The following LYST variants were observed in gnomAD, a reference collection of about 807,000 sequenced individuals.
The protein encoded by LYST is lysosomal trafficking regulator, also known as lysosomal-trafficking regulator.
Under a neutral mutation model 413.6 loss-of-function variants are expected in LYST, and 192 were observed. The ratio of observed to expected loss-of-function variants is 0.46; its 90% confidence interval spans 0.41 to 0.52. The LOEUF is 0.52. LYST is among the 20% of genes least tolerant of loss of function. LYST has a pLI of 0.00. For synonymous variants in LYST, 1,525 were observed against 1,567.3 expected (o/e 0.97, Z 0.64); for missense variants, 3,815 against 4,499.9 (o/e 0.85, Z 4.35).
intron 31 of LYST, chr1:235,737,553 G>C (rs1057441472): frequency 6.6e-6 from 1 of 152,178 alleles, no homozygotes; most frequent in Non-Finnish European, 1.5e-5. Context: ...GTTTGGGGAA[G>C]GAATTGCATA....
intron 1 of LYST, among the ~76,000 whole-genome samples, chr1:235,841,250 A>G (rs1677168807): frequency 6.6e-6 from 1 of 152,250 alleles, no homozygotes; most frequent in Non-Finnish European, 1.5e-5. Context: ...TCTCCTGAGA[A>G]GGCAGGATTA....
intron 44 of LYST, 108 bp downstream of exon 44, chr1:235,708,983 A>G: frequency 1.0e-6 from 1 of 963,318 alleles, no homozygotes; most frequent in Non-Finnish European, 1.7e-6. Flanking sequence ...GCTACTACCA[A>G]TTCTCTTTGA....
chr1:235,771,807 A>G (rs1429790970), intron 19 of LYST, among the ~76,000 whole-genome samples: 3 of 151,982 alleles, frequency 2.0e-5, no homozygotes, highest in Admixed American at 6.6e-5. Context: ...ATGTAACAAC[A>G]ATTTTGTAAT....
intron 41 of LYST, among the ~76,000 whole-genome samples, chr1:235,715,780 A>G (rs140369743): frequency 7.7e-4 from 117 of 152,294 alleles, no homozygotes; most frequent in African/African-American, 2.7e-3. Context: ...CTCTAGAAGT[A>G]GAAATGCAAT....
rs1297201843 is a variant in LYST at position 235,788,713 on chromosome 1, G to A, written c.4676C>T (p.Thr1559Ile). 3.1e-6 allele frequency: 5 copies of A among 1,613,708 alleles called. No individual in the cohort carries two copies. The highest frequency in any genetic ancestry group is 3.4e-6 in the Non-Finnish European group (4 of 1,179,762). ...GGATAATCAATACCGAAAGATAAGA[G>A]TGGCATTGTGGGGATCAGCCCACAC... is the stretch of plus-strand genomic sequence containing the variant. ...IQVWADPHNA[T>I]LIFRVCMDSN... The change falls in exon 13 of 53, where the codon ACT (threonine) becomes ATT (isoleucine). Residue 1559 changes from threonine (T) to isoleucine (I), a missense_variant. Physicochemically the swap from Thr to Ile is moderately conservative, Grantham distance 89. Transcript: ENST00000389793.
rs546915172 is a variant in LYST at position 235,800,434 on chromosome 1, C to A, written c.3940-48G>T. On this transcript the variant is annotated intron_variant, in intron 9 of 52. Coordinates refer to ENST00000389793, the MANE Select transcript of LYST (RefSeq NM_000081.4). ...AATTAAATTACTTACCTCACAGAAG[C>A]ATGAAACAACTGCAATGTCATAATA... 249 of 987,364 alleles carry A rather than the reference C, an allele frequency of 2.5e-4. 6 individuals carry two copies. The South Asian group carries it at 3.1e-3, about 12-fold the overall frequency. 61.2% of individuals were successfully genotyped at this position (987,364 alleles called of 1,614,324 possible). A position where few individuals can be genotyped will look rare whatever the true frequency, so the allele number is the denominator to read the frequency against.
At chr1:235,694,402 T>C (rs1660927170) in intron 46 of LYST, among the ~76,000 whole-genome samples, 1 of 152,142 alleles carries the variant, frequency 6.6e-6, no homozygotes. Flanking sequence ...ATTAATTATC[T>C]ATGCTTTGTT....
At chr1:235,713,623 G>T (rs1288823947) in intron 42 of LYST, among the ~76,000 whole-genome samples, 1 of 152,178 alleles carries the variant, frequency 6.6e-6, no homozygotes, top group South Asian at 2.1e-4. Flanking sequence ...GGTGTGGGTG[G>T]TGGTGGTACC....
chr1:235,856,908 A>AG (rs762497229), intron 1 of LYST, among the ~76,000 whole-genome samples: 1 of 151,896 alleles, frequency 6.6e-6, no homozygotes, highest in Non-Finnish European at 1.5e-5. Context: ...GATGGATATA[A>AG]GCAGCTCTTA....
intron 50 of LYST, among the ~76,000 whole-genome samples, chr1:235,672,181 A>T (rs1399478062): frequency 6.6e-6 from 1 of 152,186 alleles, no homozygotes; most frequent in Non-Finnish European, 1.5e-5. Context: ...TGGCTGTGTT[A>T]AGTTGAAAAT....
intron 21 of LYST, among the ~76,000 whole-genome samples, chr1:235,765,154 T>C (rs2103388742): frequency 6.6e-6 from 1 of 152,290 alleles, no homozygotes; most frequent in South Asian, 2.1e-4. Context: ...CCCAATTGCC[T>C]ACTAGAAAAT....
chr1:235,836,385 AAAAGTAAAAC>A (rs1368791553), intron 1 of LYST, among the ~76,000 whole-genome samples: 1 of 152,244 alleles, frequency 6.6e-6, no homozygotes, highest in Non-Finnish European at 1.5e-5. Flanking sequence ...AATTCGATGA[AAAAGTAAAAC>A]AAAGTAAGGG....
intron 34 of LYST, among the ~76,000 whole-genome samples, chr1:235,732,993 A>T (rs1025094808): frequency 1.8e-4 from 27 of 152,192 alleles, no homozygotes; most frequent in African/African-American, 6.5e-4. Flanking sequence ...TCCTTCAAAG[A>T]GTTGACAAAT....
At chr1:235,872,318 A>T (rs983646444) in intron 1 of LYST, among the ~76,000 whole-genome samples, 2 of 124,806 alleles carry the variant, frequency 1.6e-5, no homozygotes, top group African/African-American at 6.2e-5. Flanking sequence ...AAAAAAAAAA[A>T]AGTTTTATGT....
chr1:235,863,313 A>T (rs992400294), intron 1 of LYST, among the ~76,000 whole-genome samples: 1 of 152,040 alleles, frequency 6.6e-6, no homozygotes, highest in Non-Finnish European at 1.5e-5. Flanking sequence ...AATTGGCTGA[A>T]CCTGGGAGGT....
intron 42 of LYST, among the ~76,000 whole-genome samples, chr1:235,714,558 A>G (rs1177984351): frequency 1.3e-5 from 2 of 152,226 alleles, no homozygotes; most frequent in Admixed American, 6.5e-5. Flanking sequence ...TGATTCCTCA[A>G]AGTATTCTGG....
chr1:235,846,729 T>C (rs983735842), intron 1 of LYST, among the ~76,000 whole-genome samples: 1 of 151,982 alleles, frequency 6.6e-6, no homozygotes, highest in Non-Finnish European at 1.5e-5. Flanking sequence ...AAATGCAAAA[T>C]GCTCTGGAAA....
At chr1:235,779,334 G>A (rs575289371) in intron 16 of LYST, among the ~76,000 whole-genome samples, 158 of 152,180 alleles carry the variant, frequency 1.0e-3, no homozygotes, top group Middle Eastern at 3.4e-3. Flanking sequence ...CCTATATACC[G>A]TTCAGGAAAA....
chr1:235,752,578 A>G (rs1666607160), intron 26 of LYST, among the ~76,000 whole-genome samples: 2 of 152,088 alleles, frequency 1.3e-5, no homozygotes, highest in South Asian at 2.1e-4. Context: ...AGAGAAGGTG[A>G]ATTTGACTAA....
Sources: allele counts gnomAD v4.1 joint callset (sites outside exome capture counted in the v4.1 genomes callset), GRCh38; gene constraint gnomAD v4.1.1; transcripts MANE v1.5; gene names NCBI Gene and HGNC (gene_info 2026-07-23, HGNC 2026-07-21).